ASPM: variants seen among roughly 807,000 people sequenced by gnomAD.
ASPM encodes abnormal spindle-like microcephaly-associated protein.
Under a neutral mutation model 366.4 loss-of-function variants are expected in ASPM, and 256 were observed. That is an observed-to-expected ratio of 0.70 (90% CI 0.63 to 0.77). The LOEUF (loss-of-function observed/expected upper bound fraction) is 0.77, where lower values mean the gene tolerates loss of function less well. Among genes scored for constraint, ASPM ranks in the 30% least tolerant of loss-of-function variants. The pLI is 0.00. For synonymous variants in ASPM, 1,414 were observed against 1,342.9 expected (o/e 1.05, Z -1.16); for missense variants, 4,146 against 4,090.4 (o/e 1.01, Z -0.37).
In ASPM at chr1:197,103,472, T is replaced by A; in HGVS notation, c.5779A>T (p.Ile1927Phe). Residue 1927 changes from isoleucine to phenylalanine, a missense_variant, in exon 18 of 28, where the codon ATC becomes TTC. This residue lies in a region of ASPM where 3,624 missense variants were observed against 3,591.7 expected (regional missense o/e 1.01). Coordinates refer to ENST00000367409, the MANE Select transcript of ASPM (RefSeq NM_018136.5). The part of the protein sequence containing the change: ...FRLFKTAALV[I>F]QQNFRAWTAG... ...GTCCATGCTCTGAAATTTTGCTGGA[T>A]GACTAATGCTGCTGTTTTAAACAAT... is the stretch of plus-strand genomic sequence containing the variant. 6.2e-7 allele frequency: 1 copy of A among 1,613,342 alleles called. No individual in the cohort carries two copies. Among genetic ancestry groups the A allele is most frequent in the African/African-American group, 1.3e-5 (1 of 74,960 alleles).
chr1:197,130,078 A>C (rs1250948987), intron 7 of ASPM, 22 bp from the exon 8 acceptor site: 1 of 1,610,286 alleles, frequency 6.2e-7, no homozygotes, highest in Admixed American at 1.7e-5. Context: ...TTAAAGCCAA[A>C]GTCAGAATTA....
At position 197,142,868 on chromosome 1, in the gene ASPM, A is replaced by G. The variant is rs1658637902; in HGVS notation, c.1384T>C (p.Tyr462His). The G allele has an allele frequency of 3.7e-6, 6 of 1,613,332 alleles. No individual in the cohort carries two copies. Among genetic ancestry groups the G allele is most frequent in the Non-Finnish European group, 4.2e-6 (5 of 1,179,318 alleles). The part of the protein sequence containing the change: ...EELVEMKSNY[Y>H]SFIKQNNPKF... ...GGATTATTTTGTTTTATAAAACTGT[A>G]GTAATTTGACTTCATTTCTACTAGT... Residue 462 changes from tyrosine (Y) to histidine (H), a missense_variant, in exon 3 of 28, where the codon TAC (tyrosine) becomes CAC (histidine). Tyr to His is a moderately conservative substitution (Grantham distance 83). This residue lies in a region of ASPM where 3,624 missense variants were observed against 3,591.7 expected (regional missense o/e 1.01). Coordinates refer to ENST00000367409, the MANE Select transcript of ASPM (RefSeq NM_018136.5).
chr1:197,126,658 C>A (rs1041049378), intron 10 of ASPM, among the ~76,000 whole-genome samples: 2 of 152,088 alleles, frequency 1.3e-5, no homozygotes, highest in African/African-American at 4.8e-5. Context: ...GATCTTAGCT[C>A]ATATGGAACT....
intron 17 of ASPM, among the ~76,000 whole-genome samples, chr1:197,114,229 A>T (rs1434483764): frequency 1.3e-5 from 2 of 152,228 alleles, no homozygotes; most frequent in Admixed American, 1.3e-4. Flanking sequence ...TACATACCTA[A>T]ATTTAAAAAT....
At chr1:197,091,839 T>A (rs1656794773) in intron 22 of ASPM, 68 bp downstream of exon 22, 1 of 1,507,564 alleles carries the variant, frequency 6.6e-7, no homozygotes, top group Non-Finnish European at 9.2e-7. Flanking sequence ...GGAAATTGTT[T>A]ATTACATATC....
In ASPM at chr1:197,132,348, T is replaced by C; in HGVS notation, c.2424A>G (p.Glu808=). The change falls in exon 7 of 28, where the codon GAA becomes GAG. Residue 808 remains glutamate, a synonymous_variant. Coordinates refer to ENST00000367409, the MANE Select transcript of ASPM (RefSeq NM_018136.5). ...ACAGCCAATTCAGGACTTTCTGACG[T>C]TCTCCTGAAATGCATGTCAAAGGCA... The part of the protein sequence containing the change: ...KDRHLWKDVG[E]RQKVLNWLLS... The C allele has an allele frequency of 6.2e-7, 1 of 1,613,284 alleles. No homozygotes were observed. Among genetic ancestry groups the C allele is most frequent in the Non-Finnish European group, 8.5e-7 (1 of 1,179,464 alleles).
intron 4 of ASPM, among the ~76,000 whole-genome samples, chr1:197,136,239 T>G (rs142482259): frequency 6.6e-6 from 1 of 152,146 alleles, no homozygotes; most frequent in Non-Finnish European, 1.5e-5. Flanking sequence ...ACAAGAAGCA[T>G]TAAAGTCCTT....
At position 197,105,365 on chromosome 1, in the gene ASPM, C is replaced by T. The variant is rs190976254; in HGVS notation, c.4066-180G>A. ...TTAGTTTAGGTTTTACATTGATATA[C>T]CTGTAGCCAATTCAGAAATCCATCC... is the stretch of plus-strand genomic sequence containing the variant. On this transcript the variant is annotated intron_variant, in intron 17 of 27. Coordinates refer to ENST00000367409, the MANE Select transcript of ASPM (RefSeq NM_018136.5). Among the ~76,000 whole-genome samples, 662 of 151,940 alleles carry T rather than the reference C, an allele frequency of 4.4e-3. 3 individuals are homozygous for T. The highest frequency in any genetic ancestry group is 7.8e-3 in the Non-Finnish European group (527 of 67,932).
In ASPM at chr1:197,090,869, C is replaced by G. The variant is rs778653050; in HGVS notation, c.9617G>C (p.Ser3206Thr). The change falls in exon 23 of 28, where the codon AGT becomes ACT. Residue 3206 changes from serine to threonine, a missense_variant. Coordinates refer to ENST00000367409, the MANE Select transcript of ASPM (RefSeq NM_018136.5). ...LLRKKQEKFTSGIIKIQALWR... is the reference protein window; with the variant it reads ...LLRKKQEKFTTGIIKIQALWR... The stretch of plus-strand genomic sequence containing the variant: ...AATTACCTGAATTTTAATGATTCCA[C>G]TAGTGAATTTTTCCTGCTTTTTACG... 6.2e-7 allele frequency: 1 copy of G among 1,612,946 alleles called. No homozygotes were observed. The highest frequency in any genetic ancestry group is 1.7e-5 in the Admixed American group (1 of 59,956).
rs1218538114 is a variant in ASPM, at chr1:197,104,534, T to C, written c.4717A>G (p.Arg1573Gly). 1.2e-6 allele frequency: 2 copies of C among 1,612,804 alleles called. No homozygotes were observed. Among genetic ancestry groups the C allele is most frequent in the Non-Finnish European group, 1.7e-6 (2 of 1,179,406 alleles). ...TTTAAAAATCGAACTCTGTCTTGTCTCATTCTCCAGTATGACTGAATAACA... is the reference window on the plus strand; with the variant it reads ...TTTAAAAATCGAACTCTGTCTTGTCCCATTCTCCAGTATGACTGAATAACA... The part of the protein sequence containing the change: ...ACVIQSYWRM[R>G]QDRVRFLNLK... The change falls in exon 18 of 28, where the codon AGA (arginine) becomes GGA (glycine). Residue 1573 changes from arginine to glycine, a missense_variant. Coordinates refer to ENST00000367409, the MANE Select transcript of ASPM (RefSeq NM_018136.5).
At chr1:197,118,444 C>T (rs569832612) in intron 16 of ASPM, among the ~76,000 whole-genome samples, 1 of 152,076 alleles carries the variant, frequency 6.6e-6, no homozygotes, top group Non-Finnish European at 1.5e-5. Context: ...TCCTTTAGCA[C>T]AGAATACATT....
At position 197,142,474 on chromosome 1, in the gene ASPM, T is replaced by G; in HGVS notation, c.1778A>C (p.His593Pro). ...DANVRVAITE[H>P]TEVREIKRIH... The stretch of plus-strand genomic sequence containing the variant: ...TCTTTTGATTTCTCGCACTTCTGTA[T>G]GTTCTGTAATTGCAACTCTCACATT... The change falls in exon 3 of 28, where the codon CAT becomes CCT. Residue 593 changes from histidine (H) to proline (P), a missense_variant. Around this residue, in one of 3 missense-constraint regions of ASPM, gnomAD observed 3,624 missense variants for 3,591.7 expected, o/e 1.01. Coordinates refer to ENST00000367409, the MANE Select transcript of ASPM (RefSeq NM_018136.5). 4 of 1,614,076 alleles carry G rather than the reference T, an allele frequency of 2.5e-6. No individual in the cohort carries two copies. The highest frequency in any genetic ancestry group is 3.4e-6 in the Non-Finnish European group (4 of 1,179,900).
At chr1:197,105,357 T>C (rs964072489) in intron 17 of ASPM, among the ~76,000 whole-genome samples, 172 bp from the exon 18 acceptor site, 1 of 152,012 alleles carries the variant, frequency 6.6e-6, no homozygotes, top group Non-Finnish European at 1.5e-5. Context: ...AGGTTTTACA[T>C]TGATATACCT....
At chr1:197,098,053 T>C (rs955184167) in intron 18 of ASPM, among the ~76,000 whole-genome samples, 1 of 150,204 alleles carries the variant, frequency 6.7e-6, no homozygotes, top group African/African-American at 2.4e-5. Context: ...CATCAAAATT[T>C]ACAGACATTG....
chr1:197,120,535 G>GA (rs944436199), intron 16 of ASPM, among the ~76,000 whole-genome samples: 31 of 147,212 alleles, frequency 2.1e-4, no homozygotes, highest in Non-Finnish European at 2.9e-4. Context: ...GTCTCCAAAA[G>GA]AAAAAAAAAA....
Position 197,143,347 on chromosome 1 carries a change from C to T in ASPM, c.905G>A (p.Cys302Tyr), listed in dbSNP as rs77736715. The T allele has an allele frequency of 5.9e-4, 954 of 1,613,918 alleles. 10 individuals are homozygous for T. The East Asian group carries it at 0.018, about 31-fold the overall frequency. ...ENSKLSLTPN[C>Y]SSTLNITQSQ... is the part of the protein sequence containing the mutation. ...TTGTGTAATGTTCAAAGTTGAAGAA[C>T]AGTTGGGGGTAAGACTAAGTTTACT... The change falls in exon 3 of 28, where the codon TGT (cysteine) becomes TAT (tyrosine). Residue 302 changes from cysteine (C) to tyrosine (Y), a missense_variant. Transcript: ENST00000367409.
In ASPM at chr1:197,103,333, C is replaced by A. The variant is rs1657269322; in HGVS notation, c.5918G>T (p.Cys1973Phe). The change falls in exon 18 of 28, where the codon TGT (cysteine) becomes TTT (phenylalanine). Residue 1973 changes from cysteine to phenylalanine, a missense_variant. Around this residue, in one of 3 missense-constraint regions of ASPM, gnomAD observed 3,624 missense variants for 3,591.7 expected, o/e 1.01. Coordinates refer to ENST00000367409, the MANE Select transcript of ASPM (RefSeq NM_018136.5). ...ATAGTATGACTGTATGATGATAGCA[C>A]ATTTATGTTGCCTTTGAAGCTGTCT... Reference protein sequence around the residue: ...LRRQLQRQHKCAIIIQSYYRM... With the variant: ...LRRQLQRQHKFAIIIQSYYRM... 6.2e-7 allele frequency: 1 copy of A among 1,613,054 alleles called. No homozygotes were observed. The highest frequency in any genetic ancestry group is 8.5e-7 in the Non-Finnish European group (1 of 1,179,454).
intron 4 of ASPM, chr1:197,138,730 G>A: frequency 1.4e-6 from 1 of 692,392 alleles, no homozygotes; most frequent in Non-Finnish European, 2.6e-6. Context: ...CTCTCAAACA[G>A]AAAATTAAGA....
At position 197,124,975 on chromosome 1, in the gene ASPM, C is replaced by G; in HGVS notation, c.3083-20G>C. ...TATTTCCTATAAAAGAAAAGGTTGT[C>G]CATTAGCATAATGTACGCACATATC... On this transcript the variant is annotated intron_variant, in intron 11 of 27. Coordinates refer to ENST00000367409, the MANE Select transcript of ASPM (RefSeq NM_018136.5). 1 of 1,605,442 alleles carries G rather than the reference C, an allele frequency of 6.2e-7. No homozygotes were observed. Among genetic ancestry groups the G allele is most frequent in the East Asian group, 2.2e-5 (1 of 44,826 alleles).
Sources: gnomAD v4.1 joint callset for allele counts (sites outside exome capture counted in the v4.1 genomes callset) on GRCh38, gnomAD v4.1.1 for gene constraint, gnomAD v4.1.1 regional missense constraint, MANE v1.5 for transcripts, NCBI Gene and HGNC (gene_info 2026-07-23, HGNC 2026-07-21) for gene names.